ST6GAL1: variants seen among roughly 807,000 people sequenced by gnomAD.
The protein encoded by ST6GAL1 is beta-galactoside alpha-2,6-sialyltransferase 1.
ST6GAL1 carries 20 observed loss-of-function variants against 38.0 expected under a neutral mutation model. The ratio of observed to expected loss-of-function variants is 0.53; its 90% CI spans 0.37 to 0.77. ST6GAL1 has a LOEUF of 0.77. Among genes scored for constraint, ST6GAL1 ranks in the 30% least tolerant of loss-of-function variants. ST6GAL1 has a pLI of 0.00. For synonymous variants in ST6GAL1, 196 were observed against 188.2 expected (o/e 1.04, Z -0.34); for missense variants, 432 against 496.4 (o/e 0.87, Z 1.23).
At chr3:187,019,155 G>A (rs973198882) in intron 2 of ST6GAL1, among the ~76,000 whole-genome samples, 2 of 152,166 alleles carry the variant, frequency 1.3e-5, no homozygotes, top group African/African-American at 4.8e-5. Context: ...CGTGTCGGGG[G>A]AAACAAAATA....
At chr3:186,933,321 C>A (rs2108511561) in intron 1 of ST6GAL1, among the ~76,000 whole-genome samples, 1 of 152,292 alleles carries the variant, frequency 6.6e-6, no homozygotes, top group East Asian at 1.9e-4. Flanking sequence ...AGGTAGGGGA[C>A]CAACCCGGTG....
At chr3:186,966,126 C>T (rs1295309570) in intron 2 of ST6GAL1, among the ~76,000 whole-genome samples, 1 of 152,150 alleles carries the variant, frequency 6.6e-6, no homozygotes, top group Non-Finnish European at 1.5e-5. Flanking sequence ...TCTTGAACTC[C>T]TGACCTCAGG....
Position 186,995,859 on chromosome 3 carries a change from T to A in ST6GAL1, c.-183+31933T>A, listed in dbSNP as rs77797874. On this transcript the variant is annotated intron_variant, in intron 2 of 7. Transcript: ENST00000169298. ...ACTCTGTCTTGAGAAAAAAAAAAGATTGTTTAATAAATGCTTTTAATCAAT... is the reference window on the plus strand; with the variant it reads ...ACTCTGTCTTGAGAAAAAAAAAAGAATGTTTAATAAATGCTTTTAATCAAT... Among the ~76,000 whole-genome samples, 776 of 152,086 alleles carry A rather than the reference T, an allele frequency of 5.1e-3. 23 individuals carry two copies. The East Asian group carries it at 0.08, about 16-fold the overall frequency.
At chr3:187,019,676 G>C (rs987343693) in intron 2 of ST6GAL1, among the ~76,000 whole-genome samples, 3 of 152,192 alleles carry the variant, frequency 2.0e-5, no homozygotes, top group Non-Finnish European at 4.4e-5. Context: ...AGAGAAATGG[G>C]AGTCCTTCAT....
At chr3:186,963,387 A>G (rs1022562887) in intron 1 of ST6GAL1, among the ~76,000 whole-genome samples, 1 of 152,170 alleles carries the variant, frequency 6.6e-6, no homozygotes, top group Non-Finnish European at 1.5e-5. Context: ...CACATTTGTA[A>G]CAGCATAAAC....
At position 187,072,807 on chromosome 3, in the gene ST6GAL1, AT is replaced by A. The variant is rs1172050539; in HGVS notation, c.706-41del. 1.9e-6 allele frequency: 3 copies of A among 1,541,276 alleles called. No individual in the cohort carries two copies. The African/African-American group carries it at 4.1e-5, about 21-fold the overall frequency. On this transcript the variant is annotated intron_variant, in intron 5 of 7. Transcript: ENST00000169298. Reference sequence around the variant, plus strand: ...CTATTACTTCATGTCAAACATTTGCATATGAATGTTCAAGCGACAGCTTATC... The same window carrying A: ...CTATTACTTCATGTCAAACATTTGCAATGAATGTTCAAGCGACAGCTTATC...
intron 2 of ST6GAL1, among the ~76,000 whole-genome samples, chr3:187,022,427 C>G (rs538222653): frequency 2.0e-5 from 3 of 152,204 alleles, no homozygotes; most frequent in African/African-American, 4.8e-5. Context: ...GATTCTTTAG[C>G]TAACAGTAGC....
intron 5 of ST6GAL1, among the ~76,000 whole-genome samples, chr3:187,060,524 C>T (rs1321953844): frequency 6.6e-6 from 1 of 152,102 alleles, no homozygotes; most frequent in Non-Finnish European, 1.5e-5. Flanking sequence ...TGGCTTTCAT[C>T]TGAGCAGAGG....
intron 4 of ST6GAL1, among the ~76,000 whole-genome samples, chr3:187,048,152 C>G (rs531511328): frequency 5.9e-5 from 9 of 152,150 alleles, no homozygotes; most frequent in Non-Finnish European, 1.3e-4. Context: ...ACTGTGTTAG[C>G]CAGGATGGTC....
At chr3:186,998,681 A>G (rs1438939195) in intron 2 of ST6GAL1, among the ~76,000 whole-genome samples, 1 of 152,216 alleles carries the variant, frequency 6.6e-6, no homozygotes, top group East Asian at 1.9e-4. Context: ...TTAACTCAAT[A>G]TATTCAAAAT....
chr3:187,067,657 T>C (rs146558498), intron 5 of ST6GAL1, among the ~76,000 whole-genome samples: 151 of 152,220 alleles, frequency 9.9e-4, no homozygotes, highest in African/African-American at 3.3e-3. Flanking sequence ...TGTTTTTCCA[T>C]TGGATACAGG....
Position 187,042,721 on chromosome 3 carries a change from G to A in ST6GAL1, c.18G>A (p.Leu6=). 6.2e-7 allele frequency: 1 copy of A among 1,611,638 alleles called. No homozygotes were observed. Among genetic ancestry groups the A allele is most frequent in the South Asian group, 1.1e-5 (1 of 90,778 alleles). The change falls in exon 4 of 8, where the codon CTG becomes CTA. Residue 6 remains leucine, a synonymous_variant. Transcript: ENST00000169298. ...TCTTCATTATGATTCACACCAACCT[G>A]AAGAAAAAGTTCAGCTGCTGCGTCC... MIHTN[L]KKKFSCCVLV...
rs1303887662 is a variant in ST6GAL1, at chr3:187,068,631, G to A, written c.706-4218G>A. On this transcript the variant is annotated intron_variant, in intron 5 of 7. Transcript: ENST00000169298. ...TCGTGCATCTCTTGGAATTTCTGAG[G>A]ACGGTGAAGCCACAGCTGGGAAAGT... Among the ~76,000 whole-genome samples, 4 of 152,286 alleles carry A rather than the reference G, an allele frequency of 2.6e-5. No homozygotes were observed. The East Asian group carries it at 7.7e-4, about 29-fold the overall frequency.
At chr3:187,023,362 A>G (rs1193064356) in intron 2 of ST6GAL1, among the ~76,000 whole-genome samples, 2 of 152,152 alleles carry the variant, frequency 1.3e-5, no homozygotes, top group East Asian at 1.9e-4. Context: ...TATCCTCACT[A>G]TAAGGTGAGT....
intron 2 of ST6GAL1, among the ~76,000 whole-genome samples, chr3:186,965,569 C>G (rs940608410): frequency 6.6e-6 from 1 of 152,188 alleles, no homozygotes; most frequent in Non-Finnish European, 1.5e-5. Flanking sequence ...CAGAGTCCAT[C>G]TGGTCCCACA....
At chr3:187,016,586 C>A (rs1158073644) in intron 2 of ST6GAL1, among the ~76,000 whole-genome samples, 10 of 152,168 alleles carry the variant, frequency 6.6e-5, no homozygotes, top group Non-Finnish European at 1.2e-4. Context: ...GTGATGACTT[C>A]TGTGGATCTG....
intron 2 of ST6GAL1, among the ~76,000 whole-genome samples, chr3:186,998,663 T>C (rs1716501911): frequency 6.6e-6 from 1 of 152,182 alleles, no homozygotes; most frequent in Non-Finnish European, 1.5e-5. Flanking sequence ...GGATCAACTG[T>C]ATTTTATTTA....
intron 1 of ST6GAL1, among the ~76,000 whole-genome samples, chr3:186,949,812 C>T (rs929573382): frequency 1.3e-5 from 2 of 152,242 alleles, no homozygotes; most frequent in Non-Finnish European, 2.9e-5. Flanking sequence ...CCTCTCTGGT[C>T]CTCAGTTTCC....
chr3:187,055,438 C>T (rs1267051020), intron 5 of ST6GAL1, among the ~76,000 whole-genome samples: 2 of 152,026 alleles, frequency 1.3e-5, no homozygotes, highest in South Asian at 2.1e-4. Context: ...CTCTTGTGGG[C>T]ATTTAGTGCT....
Sources: gnomAD v4.1 joint callset for allele counts (sites outside exome capture counted in the v4.1 genomes callset) on GRCh38, gnomAD v4.1.1 for gene constraint, MANE v1.5 for transcripts, NCBI Gene and HGNC (gene_info 2026-07-23, HGNC 2026-07-21) for gene names.